Variants in TRPM1 observed in about 807,000 individuals in gnomAD.
TRPM1 encodes the protein TRPM1-203 APA Isoform, Intron 10.
Under a neutral mutation model 149.4 loss-of-function variants are expected in TRPM1, and 113 were observed. That is an observed-to-expected ratio of 0.76 (90% confidence interval 0.65 to 0.88). The LOEUF is 0.88. Among genes scored for constraint, TRPM1 ranks in the 40% least tolerant of loss-of-function variants. The pLI is 0.00. For synonymous variants in TRPM1, 741 were observed against 759.5 expected, an observed-to-expected ratio of 0.98 and a Z score of 0.40; for missense variants, 1,976 against 2,038.7, an observed-to-expected ratio of 0.97 and a Z score of 0.59.
At chr15:31,156,813 T>C (rs750680751) in intron 1 of TRPM1, among the ~76,000 whole-genome samples, 1 of 152,252 alleles carries the variant, frequency 6.6e-6, no homozygotes, top group Non-Finnish European at 1.5e-5. Flanking sequence ...TCACAGAGTT[T>C]GACTATTTTT....
At position 31,121,233 on chromosome 15, in the gene TRPM1, A is replaced by G. The variant is rs1486008372; in HGVS notation, c.54+39673T>C. 3.3e-5 allele frequency among the ~76,000 whole-genome samples: 5 copies of G among 151,378 alleles called. No homozygotes were observed. In the East Asian group the frequency reaches 9.6e-4, roughly 29 times the overall value. ...AGCAAGACTCCATCTCAAAAAAAAA[A>G]AAAAAAAAAAAGAAAGCTCTAAAAC... On this transcript the variant is annotated intron_variant, in intron 1 of 26. Coordinates refer to the TRPM1 transcript ENST00000542188.
At chr15:31,124,401 C>T (rs942755246) in intron 1 of TRPM1, among the ~76,000 whole-genome samples, 2 of 152,096 alleles carry the variant, frequency 1.3e-5, no homozygotes, top group African/African-American at 4.8e-5. Flanking sequence ...TGCCTATAAT[C>T]CCACCACTTT....
At chr15:31,041,583 T>A (rs1036944784) in intron 17 of TRPM1, among the ~76,000 whole-genome samples, 3 of 152,178 alleles carry the variant, frequency 2.0e-5, no homozygotes, top group Admixed American at 2.0e-4. Flanking sequence ...CAGAAACACC[T>A]GTGAAGGTCA....
chr15:31,002,224 C>T lies in TRPM1; in HGVS notation c.4476G>A (p.Trp1492Ter), dbSNP rs890396297. 3.1e-6 allele frequency: 5 copies of T among 1,614,124 alleles called. No individual in the cohort carries two copies. The highest frequency in any genetic ancestry group is 4.2e-6 in the Non-Finnish European group (5 of 1,180,052). Residue 1492 changes from tryptophan (W) to a stop codon, truncating the protein, a stop_gained, in exon 28 of 28, where the codon TGG becomes TGA. Coordinates refer to ENST00000256552, the MANE Select transcript of TRPM1 (RefSeq NM_001252024.2). LOFTEE classifies it low-confidence loss of function (END_TRUNC). ...SITDQQLTTEWQCQVQKITRS... is the reference protein window; with the variant it reads ...SITDQQLTTE ...GCGTGATCTTTTGAACTTGGCATTGCCATTCCGTCGTCAATTGCTGGTCCG... is the reference window on the plus strand; with the variant it reads ...GCGTGATCTTTTGAACTTGGCATTGTCATTCCGTCGTCAATTGCTGGTCCG...
At chr15:31,017,598 CTG>C (rs2032411415) in intron 27 of TRPM1, among the ~76,000 whole-genome samples, 1 of 152,314 alleles carries the variant, frequency 6.6e-6, no homozygotes, top group Admixed American at 6.5e-5. Flanking sequence ...TTAAATGAAA[CTG>C]TGTGCTCTGT....
At chr15:31,058,747 G>GGAACAAGA (rs757442009) in intron 11 of TRPM1, among the ~76,000 whole-genome samples, 2 of 152,180 alleles carry the variant, frequency 1.3e-5, no homozygotes, top group African/African-American at 2.4e-5. Flanking sequence ...ACAAGTAGGT[G>GGAACAAGA]GTTCCACGTA....
At chr15:31,110,481 C>T (rs953058340) in intron 1 of TRPM1, among the ~76,000 whole-genome samples, 5 of 152,160 alleles carry the variant, frequency 3.3e-5, no homozygotes, top group African/African-American at 1.2e-4. Context: ...ATAAGGTCGT[C>T]GGATATTTGG....
At chr15:31,090,796 G>A (rs1051809916) in intron 1 of TRPM1, among the ~76,000 whole-genome samples, 2 of 152,104 alleles carry the variant, frequency 1.3e-5, no homozygotes, top group African/African-American at 2.4e-5. Context: ...ACAGTGTGGT[G>A]GAAGGAGAAC....
chr15:31,022,456 C>T (rs944194185), intron 27 of TRPM1, among the ~76,000 whole-genome samples: 1 of 152,162 alleles, frequency 6.6e-6, no homozygotes, highest in Non-Finnish European at 1.5e-5. Context: ...CATAGTGAGA[C>T]CCTGTTTCTA....
intron 21 of TRPM1, among the ~76,000 whole-genome samples, chr15:31,033,397 T>A (rs997942109): frequency 6.6e-6 from 1 of 152,194 alleles, no homozygotes; most frequent in Non-Finnish European, 1.5e-5. Context: ...AACTTAGACA[T>A]GAGAAATTAG....
chr15:31,143,372 TGTTTTGTTTTCCA>T (rs749964342), intron 1 of TRPM1, among the ~76,000 whole-genome samples: 2 of 152,174 alleles, frequency 1.3e-5, no homozygotes, highest in Non-Finnish European at 2.9e-5. Flanking sequence ...GTTCATTTAA[TGTTTTGTTTTCCA>T]GTTTTGTTTT....
At chr15:31,048,194 C>T (rs1220080923) in intron 13 of TRPM1, among the ~76,000 whole-genome samples, 1 of 152,084 alleles carries the variant, frequency 6.6e-6, no homozygotes. Flanking sequence ...ACCGGGGAGG[C>T]AGCTGCAGTG....
chr15:31,129,730 T>C (rs2035994519), intron 1 of TRPM1, among the ~76,000 whole-genome samples: 1 of 152,212 alleles, frequency 6.6e-6, no homozygotes, highest in South Asian at 2.1e-4. Flanking sequence ...GTGTCAGCTG[T>C]CTGTGGTCAC....
intron 1 of TRPM1, among the ~76,000 whole-genome samples, chr15:31,127,084 G>A (rs970726172): frequency 6.6e-6 from 1 of 152,228 alleles, no homozygotes; most frequent in African/African-American, 2.4e-5. Flanking sequence ...AGAAATCAAG[G>A]TGTTAAGCAA....
intron 1 of TRPM1, among the ~76,000 whole-genome samples, chr15:31,113,347 G>A (rs2035732184): frequency 6.6e-6 from 1 of 152,086 alleles, no homozygotes; most frequent in Admixed American, 6.5e-5. Flanking sequence ...CTTGGAAAGA[G>A]CCAGGGCCAC....
At chr15:31,147,850 G>A (rs2036242248) in intron 1 of TRPM1, among the ~76,000 whole-genome samples, 1 of 152,152 alleles carries the variant, frequency 6.6e-6, no homozygotes, top group Non-Finnish European at 1.5e-5. Context: ...AGGGGGCCAG[G>A]GGTCCAGGTC....
rs908376719 is a variant in TRPM1, at chr15:31,067,785, T to C, written c.493+94A>G. 10 of 1,238,516 alleles carry C rather than the reference T, an allele frequency of 8.1e-6. No homozygotes were observed. In the African/African-American group the frequency reaches 1.2e-4, roughly 15 times the overall value. 76.7% of individuals were successfully genotyped at this position (1,238,516 alleles called of 1,614,324 possible). On this transcript the variant is annotated intron_variant, in intron 5 of 27. Transcript: ENST00000256552. The stretch of plus-strand genomic sequence containing the variant: ...ATAAATAGGATCAGGATGCAATATG[T>C]TTTGTTGTCCTTAGTTATTAGGAAG...
intron 3 of TRPM1, among the ~76,000 whole-genome samples, chr15:31,072,612 G>A (rs2140971560): frequency 6.6e-6 from 1 of 152,228 alleles, no homozygotes; most frequent in Admixed American, 6.5e-5. Context: ...TGTTCTCCAA[G>A]GTGGCTGTAT....
chr15:31,104,227 C>T (rs1249698602), upstream of TRPM1, among the ~76,000 whole-genome samples: 2 of 152,112 alleles, frequency 1.3e-5, no homozygotes, highest in Non-Finnish European at 1.5e-5. Flanking sequence ...GGCCGGCTGG[C>T]GGTCACAGTT....
Sources: gnomAD v4.1 joint callset for allele counts (sites outside exome capture counted in the v4.1 genomes callset) on GRCh38, gnomAD v4.1.1 for gene constraint, MANE v1.5 for transcripts, NCBI Gene and HGNC (gene_info 2026-07-23, HGNC 2026-07-21) for gene names.